The following RBM22 variants were observed in gnomAD, a reference collection of about 807,000 sequenced individuals.
RBM22 encodes RNA binding motif protein 22, also known as pre-mRNA-splicing factor RBM22.
Under a neutral mutation model 50.1 loss-of-function variants are expected in RBM22, and 1 was observed. The ratio of observed to expected loss-of-function variants is 0.02; its 90% CI spans 0.01 to 0.09. The LOEUF (loss-of-function observed/expected upper bound fraction) is 0.09. RBM22 is among the 10% of genes least tolerant of loss of function. RBM22 has a pLI of 1.00. For synonymous variants in RBM22, 152 were observed against 179.0 expected, an observed-to-expected ratio of 0.85 and a Z score of 1.20; for missense variants, 264 against 529.3, an observed-to-expected ratio of 0.50 and a Z score of 4.92.
intron 10 of RBM22, 95 bp downstream of exon 10, chr5:150,692,800 T>A (rs1759225237): frequency 7.5e-7 from 1 of 1,342,074 alleles, no homozygotes; most frequent in Non-Finnish European, 1.0e-6. Flanking sequence ...CAGAGCAAAC[T>A]CACAGGATTT....
rs3776834 is a variant in RBM22 at position 150,700,086 on chromosome 5, G to C, written c.108+358C>G. On this transcript the variant is annotated intron_variant, in intron 2 of 10. Transcript: ENST00000199814. ...CAGGATTCAGGAAACCTAGTTTCTA[G>C]TTCTGGTTCTCCTCCTATCATGCTG... Among the ~76,000 whole-genome samples, 486 of 152,312 alleles carry C rather than the reference G, an allele frequency of 3.2e-3. 17 individuals are homozygous for C. In the East Asian group the frequency reaches 0.082, roughly 26 times the overall value.
At chr5:150,693,942 G>A in intron 8 of RBM22, 134 bp downstream of exon 8, 1 of 1,165,726 alleles carries the variant, frequency 8.6e-7, no homozygotes, top group Non-Finnish European at 1.2e-6. Context: ...CACATAGAGA[G>A]TGATCTTTGA....
rs1002923248 is a variant in RBM22 at position 150,691,544 on chromosome 5, C to T, written c.*207G>A. The T allele has an allele frequency of 8.0e-6, 4 of 497,622 alleles. No homozygotes were observed. Among genetic ancestry groups the T allele is most frequent in the African/African-American group, 2.0e-5 (1 of 50,674 alleles). 30.8% of individuals were successfully genotyped at this position (497,622 alleles called of 1,614,324 possible). On this transcript the variant is annotated 3_prime_UTR_variant, in exon 11 of 11. Coordinates refer to ENST00000199814, the MANE Select transcript of RBM22 (RefSeq NM_018047.3). ...TTATTAGTCATGTTACAGCAGTAAC[C>T]AGATGTGTTAATGGCAGCTTATTTA...
chr5:150,701,027 G>C lies in RBM22; in HGVS notation c.-42C>G. 2.5e-6 allele frequency: 4 copies of C among 1,610,034 alleles called. No individual in the cohort carries two copies. Among genetic ancestry groups the C allele is most frequent in the Non-Finnish European group, 2.5e-6 (3 of 1,177,168 alleles). ...GGTAGCTGTAGCTTCCGAATTGGGA[G>C]AGAGGACCGCCACAATCCCGTCAAG... is the stretch of plus-strand genomic sequence containing the variant. On this transcript the variant is annotated 5_prime_UTR_variant, in exon 1 of 11. Transcript: ENST00000199814.
chr5:150,699,585 G>A (rs1374616779), intron 2 of RBM22, among the ~76,000 whole-genome samples: 1 of 152,206 alleles, frequency 6.6e-6, no homozygotes, highest in Non-Finnish European at 1.5e-5. Context: ...AGGAGTTCCA[G>A]ACTAGCCTGG....
At chr5:150,695,009 G>A (rs1243381974) in intron 7 of RBM22, among the ~76,000 whole-genome samples, 1 of 152,166 alleles carries the variant, frequency 6.6e-6, no homozygotes, top group African/African-American at 2.4e-5. Context: ...ATTACCATAT[G>A]CCAGGATGGA....
intron 7 of RBM22, chr5:150,694,781 T>G (rs1392045106): frequency 6.6e-6 from 1 of 152,512 alleles, no homozygotes; most frequent in Non-Finnish European, 1.5e-5. Flanking sequence ...AAGAGGTAAT[T>G]TCCATTACTA....
Position 150,694,127 on chromosome 5 carries a change from G to C in RBM22, c.860C>G (p.Ser287Cys), listed in dbSNP as rs775942610. The C allele has an allele frequency of 1.2e-6, 2 of 1,614,126 alleles. No homozygotes were observed. The highest frequency in any genetic ancestry group is 1.7e-6 in the Non-Finnish European group (2 of 1,180,026). Residue 287 changes from serine to cysteine, a missense_variant, in exon 8 of 11, where the codon TCC becomes TGC. Physicochemically the swap from Ser to Cys is moderately radical, Grantham distance 112 (BLOSUM62 -1). Around this residue, in one of 7 missense-constraint regions of RBM22, gnomAD observed 14 missense variants for 59.1 expected, o/e 0.24. Coordinates refer to ENST00000199814, the MANE Select transcript of RBM22 (RefSeq NM_018047.3). ...RQAAEVAAEK[S>C]FNKLIVNGRR... ...GCCATTTACAATCAACTTATTAAAG[G>C]ACTTCTCAGCAGCCACTTCTGCAGC... is the stretch of plus-strand genomic sequence containing the variant.
chr5:150,694,055 T>C (rs1759242796), intron 8 of RBM22, 21 bp downstream of exon 8: 4 of 1,604,766 alleles, frequency 2.5e-6, no homozygotes, highest in Non-Finnish European at 2.6e-6. Context: ...AAATGTCACT[T>C]AAAAATAGTT....
Position 150,694,219 on chromosome 5 carries a change from T to A in RBM22, c.768A>T (p.Gly256=). ...GCACAACAGTGATCGTCCGGATCTC[T>A]CCGAACTGGTAGAAATGATTTCTGA... ...TDLRNHFYQF[G]EIRTITVVQR... The change falls in exon 8 of 11, where the codon GGA becomes GGT. Residue 256 remains glycine (G), a synonymous_variant. Transcript: ENST00000199814. 1 of 1,608,748 alleles carries A rather than the reference T, an allele frequency of 6.2e-7. No homozygotes were observed. The highest frequency in any genetic ancestry group is 8.5e-7 in the Non-Finnish European group (1 of 1,178,534).
At position 150,697,876 on chromosome 5, in the gene RBM22, A is replaced by G. The variant is rs561844511; in HGVS notation, c.271+623T>C. The stretch of plus-strand genomic sequence containing the variant: ...AGTTCTAACAACACAATTGAAATAA[A>G]AGTCTAAAGCACAATTAGGCTGGCT... On this transcript the variant is annotated intron_variant, in intron 4 of 10. Transcript: ENST00000199814. 5.9e-5 allele frequency: 12 copies of G among 204,378 alleles called. No individual in the cohort carries two copies. In the South Asian group the frequency reaches 6.4e-4, roughly 11 times the overall value. The allele number at this position is 204,378 out of a possible 1,614,324, so 12.7% of individuals were successfully genotyped here. A position where few individuals can be genotyped will look rare whatever the true frequency, so the allele number is the denominator to read the frequency against.
intron 10 of RBM22, among the ~76,000 whole-genome samples, chr5:150,692,684 A>G (rs750968306): frequency 3.3e-5 from 5 of 152,206 alleles, no homozygotes; most frequent in Non-Finnish European, 5.9e-5. Flanking sequence ...CTGCTGACAC[A>G]TATACGCGGA....
intron 2 of RBM22, among the ~76,000 whole-genome samples, 182 bp from the exon 3 acceptor site, chr5:150,699,453 C>G (rs1215205919): frequency 1.3e-5 from 2 of 152,160 alleles, no homozygotes; most frequent in African/African-American, 4.8e-5. Context: ...AGGGAACATA[C>G]TATAACAACA....
In RBM22 at chr5:150,700,679, G is replaced by A. The variant is rs1472354973; in HGVS notation, c.55-182C>T. ...TCTGCACTTCCGGCAGGCGGCGGGA[G>A]AAAAGAAAACCAGCTCTAATAGGCT... On this transcript the variant is annotated intron_variant, in intron 1 of 10. Transcript: ENST00000199814. 6 of 1,526,690 alleles carry A rather than the reference G, an allele frequency of 3.9e-6. No individual in the cohort carries two copies. The South Asian group carries it at 6.0e-5, about 15-fold the overall frequency. The allele number at this position is 1,526,690 out of a possible 1,614,324, so 94.6% of individuals were successfully genotyped here.
At chr5:150,695,258 G>A (rs778204536) in intron 7 of RBM22, 29 of 457,746 alleles carry the variant, frequency 6.3e-5, no homozygotes, top group South Asian at 5.2e-4. Context: ...CAAACTCCTC[G>A]GTTCAAGAGA....
rs749208820 is a variant in RBM22 at position 150,695,341 on chromosome 5, C to A, written c.746+165G>T. 1.9e-5 allele frequency: 12 copies of A among 637,740 alleles called. No homozygotes were observed. In the South Asian group the frequency reaches 2.0e-4, roughly 10 times the overall value. The allele number at this position is 637,740 out of a possible 1,614,324, so 39.5% of individuals were successfully genotyped here. A position where few individuals can be genotyped will look rare whatever the true frequency, so the allele number is the denominator to read the frequency against. On this transcript the variant is annotated intron_variant, in intron 7 of 10. Coordinates refer to ENST00000199814, the MANE Select transcript of RBM22 (RefSeq NM_018047.3). ...ACATAAGCACATTATTACTGTGGCA[C>A]CATAAAGGACAATTTTACAAAAATT...
rs1759201437 is a variant in RBM22 at position 150,691,058 on chromosome 5, A to G, written c.*693T>C. On this transcript the variant is annotated 3_prime_UTR_variant, in exon 11 of 11. Transcript: ENST00000199814. ...AAGTTCTTTACAGTAATTTCATGCC[A>G]GACACCAGGTTTCTTCGATGGTACA... 6.6e-6 allele frequency: 1 copy of G among 152,392 alleles called. No homozygotes were observed. The highest frequency in any genetic ancestry group is 2.1e-4 in the South Asian group (1 of 4,832). The allele number at this position is 152,392 out of a possible 1,614,324, so 9.4% of individuals were successfully genotyped here. A position where few individuals can be genotyped will look rare whatever the true frequency, so the allele number is the denominator to read the frequency against.
rs79860195 is a variant in RBM22, at chr5:150,695,413, T to G, written c.746+93A>C. On this transcript the variant is annotated intron_variant, in intron 7 of 10. Transcript: ENST00000199814. The stretch of plus-strand genomic sequence containing the variant: ...ATAGAGAGACTACAGAAAAATGTAT[T>G]TTGTACAGAATGATCATTCTTGCAG... The G allele has an allele frequency of 1.3e-3, 1,490 of 1,116,338 alleles. 20 individuals are homozygous for G. In the African/African-American group the frequency reaches 0.022, roughly 16 times the overall value. 69.2% of individuals were successfully genotyped at this position (1,116,338 alleles called of 1,614,324 possible).
At position 150,691,755 on chromosome 5, in the gene RBM22, G is replaced by A; in HGVS notation, c.1259C>T (p.Pro420Leu). 6.3e-7 allele frequency: 1 copy of A among 1,588,690 alleles called. No individual in the cohort carries two copies. Among genetic ancestry groups the A allele is most frequent in the Non-Finnish European group, 8.6e-7 (1 of 1,167,182 alleles). ...CCCCAGAGTGGTGACAAGGTGCTAGGGGCTGCTGTGTTTTCCAGCATGAGC... is the reference window on the plus strand; with the variant it reads ...CCCCAGAGTGGTGACAAGGTGCTAGAGGCTGCTGTGTTTTCCAGCATGAGC... ...MGAHAGKHSSP is the reference protein window; with the variant it reads ...MGAHAGKHSSL The change falls in exon 11 of 11, where the codon CCC (proline) becomes CTC (leucine). Residue 420 changes from proline (P) to leucine (L), a missense_variant. Coordinates refer to ENST00000199814, the MANE Select transcript of RBM22 (RefSeq NM_018047.3).
Sources: allele counts gnomAD v4.1 joint callset (sites outside exome capture counted in the v4.1 genomes callset), GRCh38; gene constraint gnomAD v4.1.1; regional missense constraint gnomAD v4.1.1; transcripts MANE v1.5; gene names NCBI Gene and HGNC (gene_info 2026-07-23, HGNC 2026-07-21).